The following PHLDB2 variants were observed in gnomAD, a reference collection of about 807,000 sequenced individuals.
The protein encoded by PHLDB2 is pleckstrin homology-like domain family B member 2.
PHLDB2 carries 71 observed loss-of-function variants against 123.6 expected under a neutral mutation model. The observed-to-expected ratio is 0.57, with a 90% CI of 0.47 to 0.70. The LOEUF (loss-of-function observed/expected upper bound fraction) is 0.70. Among genes scored for constraint, PHLDB2 ranks in the 30% least tolerant of loss-of-function variants. The pLI is 0.00. For missense variants in PHLDB2, 1,446 were observed against 1,519.5 expected, an observed-to-expected ratio of 0.95 and a Z score of 0.80; for synonymous variants, 547 against 541.6, an observed-to-expected ratio of 1.01 and a Z score of -0.14.
chr3:111,921,743 C>T (rs186616417), intron 5 of PHLDB2, among the ~76,000 whole-genome samples: 2 of 152,160 alleles, frequency 1.3e-5, no homozygotes, highest in East Asian at 3.9e-4. Context: ...GCTGGGACTA[C>T]AGGCACCCGC....
Position 111,884,547 on chromosome 3 carries a change from C to T in PHLDB2, c.470C>T (p.Ser157Leu), listed in dbSNP as rs1007956733. 1.2e-6 allele frequency: 2 copies of T among 1,614,116 alleles called. No homozygotes were observed. The highest frequency in any genetic ancestry group is 8.5e-7 in the Non-Finnish European group (1 of 1,180,024). The change falls in exon 2 of 18, where the codon TCG (serine) becomes TTG (leucine). Residue 157 changes from serine (S) to leucine (L), a missense_variant. Around this residue, in one of 3 missense-constraint regions of PHLDB2, gnomAD observed 832 missense variants for 831.9 expected, o/e 1.00. Coordinates refer to ENST00000431670, the MANE Select transcript of PHLDB2 (RefSeq NM_001134438.2). Reference sequence around the variant, plus strand: ...TCCAAATATAGCTCAAGGCATAAATCGCATGACAATGTCTACTCTCTTGGA... The same window carrying T: ...TCCAAATATAGCTCAAGGCATAAATTGCATGACAATGTCTACTCTCTTGGA... ...PYSKYSSRHK[S>L]HDNVYSLGGL...
In PHLDB2 at chr3:111,866,105, G is replaced by A. The variant is rs2065068119; in HGVS notation, c.-15+6529G>A. Among the ~76,000 whole-genome samples the A allele has an allele frequency of 3.7e-5, 5 of 135,698 alleles. 1 individual carries two copies. The Admixed American group carries it at 4.4e-4, about 12-fold the overall frequency. The allele number at this position is 135,698 out of a possible 152,430, so 89.0% of individuals were successfully genotyped here. Reference sequence around the variant, plus strand: ...TGCGATCCAGCTCACTGCAACCTCGGCCTCCCAGGTTCAAGTGATTATCCT... The same window carrying A: ...TGCGATCCAGCTCACTGCAACCTCGACCTCCCAGGTTCAAGTGATTATCCT... On this transcript the variant is annotated intron_variant, in intron 1 of 17. Coordinates refer to ENST00000431670, the MANE Select transcript of PHLDB2 (RefSeq NM_001134438.2).
chr3:111,767,429 T>G (rs927187831), intron 1 of PHLDB2, among the ~76,000 whole-genome samples: 1 of 152,216 alleles, frequency 6.6e-6, no homozygotes, highest in African/African-American at 2.4e-5. Context: ...AACTAGTGAA[T>G]CAAATATCTG....
chr3:111,777,796 G>A (rs746518490), intron 1 of PHLDB2, among the ~76,000 whole-genome samples: 2 of 152,042 alleles, frequency 1.3e-5, no homozygotes, highest in Non-Finnish European at 2.9e-5. Flanking sequence ...AGAAATAGGA[G>A]GCACTATTCT....
At chr3:111,923,485 A>C (rs2068640249) in intron 5 of PHLDB2, among the ~76,000 whole-genome samples, 2 of 152,150 alleles carry the variant, frequency 1.3e-5, no homozygotes, top group Admixed American at 1.3e-4. Flanking sequence ...TATGCTGGTG[A>C]CTATCATAGG....
rs540873194 is a variant in PHLDB2, at chr3:111,743,784, T to G, written c.-49+11081T>G. 6.6e-5 allele frequency among the ~76,000 whole-genome samples: 10 copies of G among 152,346 alleles called. No individual in the cohort carries two copies. In the East Asian group the frequency reaches 1.9e-3, roughly 29 times the overall value. On this transcript the variant is annotated intron_variant, in intron 1 of 17. Coordinates refer to the PHLDB2 transcript ENST00000393923. ...GCTTTTAGTGTATAAGTGAAAACTT[T>G]CATCATCTTAAGCAATTTGCCTGTT...
chr3:111,907,599 A>G lies in PHLDB2; in HGVS notation c.1336-5720A>G, dbSNP rs1219761603. On this transcript the variant is annotated intron_variant, in intron 2 of 17. Transcript: ENST00000431670. ...CAACCTTTGCCTCCTGGGTTCAAGCAATTCTCCTTTCTCACCCTCCCAAGT... is the reference window on the plus strand; with the variant it reads ...CAACCTTTGCCTCCTGGGTTCAAGCGATTCTCCTTTCTCACCCTCCCAAGT... Among the ~76,000 whole-genome samples, 10 of 152,008 alleles carry G rather than the reference A, an allele frequency of 6.6e-5. 1 individual carries two copies. The highest frequency in any genetic ancestry group is 6.6e-4 in the Admixed American group (10 of 15,242).
At chr3:111,939,445 T>C (rs763184450) in intron 6 of PHLDB2, 30 bp from the exon 7 acceptor site, 2 of 1,585,010 alleles carry the variant, frequency 1.3e-6, no homozygotes, top group East Asian at 4.5e-5. Context: ...TATCTCAGTG[T>C]GTCTTGTTTT....
intron 1 of PHLDB2, among the ~76,000 whole-genome samples, chr3:111,776,972 G>A (rs2060277241): frequency 6.6e-6 from 1 of 152,084 alleles, no homozygotes; most frequent in Admixed American, 6.6e-5. Context: ...AGTGTGTACG[G>A]TGAAGGGGCC....
At position 111,952,658 on chromosome 3, in the gene PHLDB2, T is replaced by C; in HGVS notation, c.2718T>C (p.Ser906=). 1 of 1,613,954 alleles carries C rather than the reference T, an allele frequency of 6.2e-7. No homozygotes were observed. Among genetic ancestry groups the C allele is most frequent in the Non-Finnish European group, 8.5e-7 (1 of 1,179,918 alleles). The change falls in exon 11 of 18, where the codon TCT becomes TCC. Residue 906 remains serine (S), a synonymous_variant. Coordinates refer to ENST00000431670, the MANE Select transcript of PHLDB2 (RefSeq NM_001134438.2). ...CTTTGCCTCGAAAGAAAACCACATC[T>C]TCCATCTCCCCACATTTCAGCAGTG... The part of the protein sequence containing the change: ...SDTLPRKKTT[S]SISPHFSSAT...
chr3:111,823,158 G>T (rs985537246), intron 1 of PHLDB2, among the ~76,000 whole-genome samples: 1 of 152,204 alleles, frequency 6.6e-6, no homozygotes, highest in African/African-American at 2.4e-5. Flanking sequence ...AGGAGGAAGT[G>T]GGAGTTGGGA....
chr3:111,805,002 T>C (rs2061515729), intron 1 of PHLDB2, among the ~76,000 whole-genome samples: 1 of 151,426 alleles, frequency 6.6e-6, no homozygotes, highest in African/African-American at 2.5e-5. Flanking sequence ...CAACCAGAAG[T>C]CTTATACACT....
chr3:111,770,547 G>C (rs186215779), intron 1 of PHLDB2, among the ~76,000 whole-genome samples: 2 of 152,112 alleles, frequency 1.3e-5, no homozygotes, highest in African/African-American at 4.8e-5. Flanking sequence ...AATATGCCAG[G>C]TTATAAGACT....
intron 1 of PHLDB2, among the ~76,000 whole-genome samples, chr3:111,733,273 G>A (rs1033717043): frequency 6.6e-6 from 1 of 152,150 alleles, no homozygotes; most frequent in Admixed American, 6.5e-5. Flanking sequence ...ATTTACCTAA[G>A]CTTATCACAT....
intron 2 of PHLDB2, among the ~76,000 whole-genome samples, chr3:111,894,189 C>T (rs1303312116): frequency 6.6e-6 from 1 of 150,748 alleles, no homozygotes; most frequent in Non-Finnish European, 1.5e-5. Context: ...CGATAGTTTA[C>T]TGAGAATGAT....
chr3:111,800,146 C>G lies in PHLDB2; in HGVS notation c.-48-45675C>G, dbSNP rs142946931. The stretch of plus-strand genomic sequence containing the variant: ...TCAACCTTCTGAGTAGCTAGGACTA[C>G]AGGCATGCACCACCATGCCCACCTA... On this transcript the variant is annotated intron_variant, in intron 1 of 17. Transcript: ENST00000393923. Among the ~76,000 whole-genome samples, 695 of 152,250 alleles carry G rather than the reference C, an allele frequency of 4.6e-3. 7 individuals carry two copies. Among genetic ancestry groups the G allele is most frequent in the African/African-American group, 0.016 (668 of 41,544 alleles).
chr3:111,940,686 G>A (rs2069809442), intron 8 of PHLDB2, 41 bp downstream of exon 8: 1 of 1,244,094 alleles, frequency 8.0e-7, no homozygotes. Context: ...GTAAAACATA[G>A]GTTCCAAATT....
rs138059571 is a variant in PHLDB2, at chr3:111,913,387, T to G, written c.1404T>G (p.Ser468=). 6.1e-4 allele frequency: 985 copies of G among 1,614,116 alleles called. No individual in the cohort carries two copies. Among genetic ancestry groups the G allele is most frequent in the Non-Finnish European group, 8.1e-4 (957 of 1,180,000 alleles). ...AEYTKPDSRL[S]TGTTVEDVQK... is the part of the protein sequence containing the mutation. ...ACACAAAGCCTGACAGTCGCTTATCTACTGGGACCACCGTGGAAGATGTGC... is the reference window on the plus strand; with the variant it reads ...ACACAAAGCCTGACAGTCGCTTATCGACTGGGACCACCGTGGAAGATGTGC... The change falls in exon 3 of 18, where the codon TCT becomes TCG. Residue 468 remains serine, a synonymous_variant. Transcript: ENST00000431670.
rs141076449 is a variant in PHLDB2 at position 111,885,127 on chromosome 3, C to T, written c.1050C>T (p.Ala350=). The stretch of plus-strand genomic sequence containing the variant: ...TTCTGGCCTCCACCTCCTCCTGTGC[C>T]TCTGATGACTTTGATCAGGCTTCAT... ...KMLLASTSSC[A]SDDFDQASYV... is the part of the protein sequence containing the mutation. Residue 350 remains alanine, a synonymous_variant, in exon 2 of 18, where the codon GCC becomes GCT. Coordinates refer to ENST00000431670, the MANE Select transcript of PHLDB2 (RefSeq NM_001134438.2). 47 of 1,613,826 alleles carry T rather than the reference C, an allele frequency of 2.9e-5. No individual in the cohort carries two copies. In the African/African-American group the frequency reaches 5.3e-4, roughly 18 times the overall value.
Sources: gnomAD v4.1 joint callset for allele counts (sites outside exome capture counted in the v4.1 genomes callset) on GRCh38, gnomAD v4.1.1 for gene constraint, gnomAD v4.1.1 regional missense constraint, MANE v1.5 for transcripts, NCBI Gene and HGNC (gene_info 2026-07-23, HGNC 2026-07-21) for gene names.